CEACAM20: variants seen among roughly 807,000 people sequenced by gnomAD.
CEACAM20 encodes the protein CEA cell adhesion molecule 20.
A neutral mutation model predicts 61.2 loss-of-function variants in CEACAM20; 50 were observed. The observed-to-expected ratio is 0.82, with a 90% CI of 0.65 to 1.03. The LOEUF is 1.03. Ranked by LOEUF, CEACAM20 falls within the 50% of genes least tolerant of loss-of-function variation. The pLI, the probability that CEACAM20 is intolerant of heterozygous loss-of-function variation, is 0.00. For synonymous variants in CEACAM20, 282 were observed against 287.7 expected, an observed-to-expected ratio of 0.98 and a Z score of 0.20; for missense variants, 683 against 736.4, an observed-to-expected ratio of 0.93 and a Z score of 0.84.
intron 2 of CEACAM20, 143 bp downstream of exon 2, chr19:44,524,957 TG>T: frequency 9.6e-7 from 1 of 1,045,642 alleles, no homozygotes; most frequent in Non-Finnish European, 1.4e-6. Flanking sequence ...CCCTGACCCC[TG>T]GCACAGCTGA....
chr19:44,529,647 C>T lies in CEACAM20; in HGVS notation c.-138G>A. 1.5e-6 allele frequency: 1 copy of T among 659,652 alleles called. No individual in the cohort carries two copies. 40.9% of individuals were successfully genotyped at this position (659,652 alleles called of 1,614,324 possible). On this transcript the variant is annotated 5_prime_UTR_variant, in exon 1 of 12. In the 5' UTR this introduces an upstream ATG that the reference lacks. Coordinates refer to ENST00000614924, the MANE Select transcript of CEACAM20 (RefSeq NM_001102597.3). ...ACCCTGCTACAAACTCACACACACACTGCAGTAACTGCAGCTCCCAGGACA... is the reference window on the plus strand; with the variant it reads ...ACCCTGCTACAAACTCACACACACATTGCAGTAACTGCAGCTCCCAGGACA...
chr19:44,511,233 A>T (rs1246493664), intron 10 of CEACAM20, 78 bp from the exon 11 acceptor site: 12 of 1,543,036 alleles, frequency 7.8e-6, no homozygotes, highest in Non-Finnish European at 1.1e-5. Context: ...CTCTTCAGGG[A>T]CCGAGAGAGT....
intron 5 of CEACAM20, among the ~76,000 whole-genome samples, chr19:44,520,132 CT>C (rs1971308380): frequency 1.3e-5 from 2 of 152,198 alleles, no homozygotes; most frequent in South Asian, 4.1e-4. Flanking sequence ...ACCTTGGGGT[CT>C]GCTTCTCCAA....
At position 44,513,287 on chromosome 19, in the gene CEACAM20, G is replaced by A. The variant is rs1692364884; in HGVS notation, c.1312C>T (p.Pro438Ser). 1.9e-6 allele frequency: 3 copies of A among 1,609,136 alleles called. No individual in the cohort carries two copies. The highest frequency in any genetic ancestry group is 1.7e-6 in the Non-Finnish European group (2 of 1,175,732). The change falls in exon 7 of 12, where the codon CCC becomes TCC. Residue 438 changes from proline to serine, a missense_variant and splice_region_variant. Coordinates refer to ENST00000614924, the MANE Select transcript of CEACAM20 (RefSeq NM_001102597.3). ...STSVLVKVVG[P>S]QSSSLSSGAI... ...CCTGAGGACAGGGAGGAGGACTGGG[G>A]ACCTGGGCAAGGAGACAGAATCAAG...
Position 44,524,273 on chromosome 19 carries a change from C to T in CEACAM20, c.197-12G>A, listed in dbSNP as rs759282371. 5.6e-6 allele frequency: 9 copies of T among 1,605,772 alleles called. No individual in the cohort carries two copies. Among genetic ancestry groups the T allele is most frequent in the Admixed American group, 5.0e-5 (3 of 59,568 alleles). On this transcript the variant is annotated splice_polypyrimidine_tract_variant and intron_variant, in intron 2 of 11. Transcript: ENST00000614924. The stretch of plus-strand genomic sequence containing the variant: ...GGGTTTGGCCAGCTCTGAAAGCAAG[C>T]GAGGGAGACAGAGGCAGAGACACAG...
chr19:44,514,666 C>T (rs770144199), intron 6 of CEACAM20, among the ~76,000 whole-genome samples: 3 of 151,858 alleles, frequency 2.0e-5, no homozygotes, highest in Non-Finnish European at 4.4e-5. Context: ...GCCATGTTGG[C>T]CAGGCTGGTC....
At chr19:44,525,424 G>A (rs1599689172) in intron 1 of CEACAM20, among the ~76,000 whole-genome samples, 180 bp from the exon 2 acceptor site, 1 of 151,948 alleles carries the variant, frequency 6.6e-6, no homozygotes, top group Non-Finnish European at 1.5e-5. Flanking sequence ...TGTTTGTTTG[G>A]TTTTTGTTTG....
At chr19:44,518,029 T>C (rs1971221780) in intron 5 of CEACAM20, among the ~76,000 whole-genome samples, 1 of 150,318 alleles carries the variant, frequency 6.7e-6, no homozygotes, top group Non-Finnish European at 1.5e-5. Flanking sequence ...TGAGGCAAGA[T>C]TGTGCCACTG....
In CEACAM20 at chr19:44,513,188, T is replaced by A; in HGVS notation, c.1411A>T (p.Ile471Phe). Residue 471 changes from isoleucine (I) to phenylalanine (F), a missense_variant, in exon 7 of 12, where the codon ATC becomes TTC. Transcript: ENST00000614924. ...VASELGYFLC[I>F]RNARRPSRKT... ...CTGTGTTACCGTCTGGCATTTCTGA[T>A]GCAGAGAAAATAGCCCAGTTCTGAG... The A allele has an allele frequency of 6.2e-7, 1 of 1,612,320 alleles. No homozygotes were observed. The highest frequency in any genetic ancestry group is 8.5e-7 in the Non-Finnish European group (1 of 1,178,540).
rs538155382 is a variant in CEACAM20, at chr19:44,520,670, G to C, written c.834C>G (p.Thr278=). Residue 278 remains threonine (T), a synonymous_variant, in exon 5 of 12, where the codon ACC becomes ACG. Coordinates refer to ENST00000614924, the MANE Select transcript of CEACAM20 (RefSeq NM_001102597.3). ...ACTGGACATTCACACTCTGATTGAC[G>C]GTTTGGCAGGTCAGGTCCACAGACC... ...NARSVDLTCQ[T]VNQSVNVQWF... The C allele has an allele frequency of 3.1e-6, 5 of 1,613,986 alleles. No individual in the cohort carries two copies. The South Asian group carries it at 5.5e-5, about 18-fold the overall frequency.
chr19:44,520,846 G>T, intron 4 of CEACAM20, 94 bp from the exon 5 acceptor site: 1 of 91,420 alleles, frequency 1.1e-5, no homozygotes, highest in Non-Finnish European at 1.4e-5. Flanking sequence ...GAGTGCGTGC[G>T]TGTGTGTGTG....
intron 1 of CEACAM20, 106 bp downstream of exon 1, chr19:44,529,352 G>A (rs1228424042): frequency 4.5e-6 from 4 of 879,338 alleles, no homozygotes; most frequent in Non-Finnish European, 6.7e-6. Flanking sequence ...TTTTCCTCGA[G>A]TGCACACACA....
At chr19:44,518,161 AG>A (rs1971244263) in intron 5 of CEACAM20, among the ~76,000 whole-genome samples, 17,525 of 58,746 alleles carry the variant, frequency 0.3, 2,894 homozygotes, top group Non-Finnish European at 0.38. Context: ...GAAGGAAGGA[AG>A]GAAGGAAGAA....
At chr19:44,521,437 CTTGT>C (rs141080095) in intron 4 of CEACAM20, among the ~76,000 whole-genome samples, 2,024 of 151,594 alleles carry the variant, frequency 0.013, 14 homozygotes, top group Non-Finnish European at 0.022. Context: ...TATATGTGAT[CTTGT>C]TTGTTGTGTA....
At chr19:44,527,103 G>T (rs1971553023) in intron 1 of CEACAM20, among the ~76,000 whole-genome samples, 1 of 152,174 alleles carries the variant, frequency 6.6e-6, no homozygotes, top group Admixed American at 6.5e-5. Flanking sequence ...TCACTTACTA[G>T]CCCTACTATC....
chr19:44,508,354 T>C (rs181029104), intron 11 of CEACAM20, among the ~76,000 whole-genome samples: 192 of 152,320 alleles, frequency 1.3e-3, no homozygotes, highest in African/African-American at 4.1e-3. Flanking sequence ...TACTGGAATT[T>C]TGCTTATGCC....
chr19:44,526,523 A>C (rs1455675108), intron 1 of CEACAM20, among the ~76,000 whole-genome samples: 1 of 150,870 alleles, frequency 6.6e-6, no homozygotes, highest in Admixed American at 6.6e-5. Flanking sequence ...ATAGAAACAC[A>C]CAAAAAAATG....
chr19:44,519,096 A>T (rs1300785576), intron 5 of CEACAM20, among the ~76,000 whole-genome samples: 1 of 151,902 alleles, frequency 6.6e-6, no homozygotes, highest in Non-Finnish European at 1.5e-5. Flanking sequence ...CTCTTCCCTG[A>T]CTCTGCTCTA....
At chr19:44,521,884 G>C (rs1971376181) in intron 4 of CEACAM20, among the ~76,000 whole-genome samples, 1 of 152,084 alleles carries the variant, frequency 6.6e-6, no homozygotes, top group Non-Finnish European at 1.5e-5. Context: ...GTGTGTGAAT[G>C]TTGTGTTAGT....
Sources: allele counts gnomAD v4.1 joint callset (sites outside exome capture counted in the v4.1 genomes callset), GRCh38; gene constraint gnomAD v4.1.1; transcripts MANE v1.5; gene names NCBI Gene and HGNC (gene_info 2026-07-23, HGNC 2026-07-21).